LEPR: variants seen among roughly 807,000 people sequenced by gnomAD.
LEPR encodes OB receptor.
Under a neutral mutation model 114.7 loss-of-function variants are expected in LEPR, and 56 were observed. The observed-to-expected ratio is 0.49, with a 90% confidence interval of 0.39 to 0.61. The LOEUF is 0.61. Among genes scored for constraint, LEPR ranks in the 20% least tolerant of loss-of-function variants. The pLI, the probability that LEPR is intolerant of heterozygous loss-of-function variation, is 0.00. For missense variants in LEPR, 1,202 were observed against 1,352.9 expected (o/e 0.89, Z 1.75); for synonymous variants, 443 against 461.4 (o/e 0.96, Z 0.51).
chr1:65,591,684 C>T (rs919505108), intron 5 of LEPR, among the ~76,000 whole-genome samples: 2 of 151,804 alleles, frequency 1.3e-5, no homozygotes, highest in East Asian at 1.9e-4. Context: ...TATCTTTTCC[C>T]GTTCATTTCC....
rs578009366 is a variant in LEPR at position 65,430,149 on chromosome 1, C to T, written c.-21+4771C>T. 5.3e-4 allele frequency: 551 copies of T among 1,037,216 alleles called. 5 individuals carry two copies. Among genetic ancestry groups the T allele is most frequent in the Middle Eastern group, 4.5e-4 (2 of 4,428 alleles). 64.3% of individuals were successfully genotyped at this position (1,037,216 alleles called of 1,614,324 possible). ...TCATGCTCATTACTTAGGCTTTATA[C>T]TCAAGGCCGTGTGTTTTTAGTTTCT... On this transcript the variant is annotated intron_variant, in intron 2 of 19. Transcript: ENST00000349533.
intron 5 of LEPR, among the ~76,000 whole-genome samples, chr1:65,590,563 C>T (rs1302573606): frequency 6.6e-6 from 1 of 151,324 alleles, no homozygotes; most frequent in African/African-American, 2.4e-5. Flanking sequence ...TCCCCACATT[C>T]ACTCTGTACT....
intron 2 of LEPR, among the ~76,000 whole-genome samples, chr1:65,506,020 C>A (rs1388168949): frequency 2.0e-5 from 3 of 152,078 alleles, no homozygotes; most frequent in Non-Finnish European, 4.4e-5. Context: ...TTCCCTAAGG[C>A]CTTATTTGGC....
chr1:65,566,275 C>T (rs1212083274), intron 3 of LEPR, among the ~76,000 whole-genome samples: 1 of 150,414 alleles, frequency 6.6e-6, no homozygotes, highest in African/African-American at 2.5e-5. Context: ...TGATCTCAGC[C>T]CACTGCAACC....
intron 2 of LEPR, among the ~76,000 whole-genome samples, chr1:65,450,162 G>A (rs1391193129): frequency 6.6e-6 from 1 of 152,102 alleles, no homozygotes; most frequent in Non-Finnish European, 1.5e-5. Context: ...GGCCCAGAAT[G>A]TGGTCTATCT....
chr1:65,506,403 G>C (rs1648731445), intron 2 of LEPR, among the ~76,000 whole-genome samples: 1 of 152,162 alleles, frequency 6.6e-6, no homozygotes, highest in Admixed American at 6.5e-5. Flanking sequence ...CACACGTATT[G>C]CATTTCACTG....
At chr1:65,525,634 G>T in intron 2 of LEPR, 1 of 985,698 alleles carries the variant, frequency 1.0e-6, no homozygotes, top group Non-Finnish European at 1.2e-6. Context: ...CTCCTGCTCA[G>T]CCCCACCTCC....
chr1:65,421,353 T>C (rs889669588), intron 1 of LEPR: 94 of 1,535,948 alleles, frequency 6.1e-5, no homozygotes, highest in Non-Finnish European at 7.8e-5. Context: ...GTGTGTAGTA[T>C]GTGTTTTTTG....
intron 2 of LEPR, chr1:65,435,517 G>A (rs1254116901): frequency 1.1e-5 from 4 of 380,744 alleles, no homozygotes; most frequent in African/African-American, 4.4e-5. Context: ...ACAGGCTCCC[G>A]CCACCACGCC....
intron 2 of LEPR, among the ~76,000 whole-genome samples, chr1:65,479,529 T>C (rs1647194590): frequency 6.6e-6 from 1 of 152,174 alleles, no homozygotes; most frequent in South Asian, 2.1e-4. Context: ...GTATCTGGCA[T>C]ATACCAGCTT....
intron 2 of LEPR, among the ~76,000 whole-genome samples, chr1:65,483,857 A>G (rs1217478780): frequency 6.6e-6 from 1 of 151,176 alleles, no homozygotes; most frequent in African/African-American, 2.4e-5. Context: ...CACCCATCCT[A>G]CTTGTCACTA....
chr1:65,616,161 A>C lies in LEPR; in HGVS notation c.2149A>C (p.Ile717Leu). 1 of 1,614,172 alleles carries C rather than the reference A, an allele frequency of 6.2e-7. No individual in the cohort carries two copies. The highest frequency in any genetic ancestry group is 8.5e-7 in the Non-Finnish European group (1 of 1,179,994). Residue 717 changes from isoleucine (I) to leucine (L), a missense_variant, in exon 15 of 20, where the codon ATC becomes CTC. Coordinates refer to ENST00000349533, the MANE Select transcript of LEPR (RefSeq NM_002303.6). ...EQAHTVTVLA[I>L]NSIGASVANF... Reference sequence around the variant, plus strand: ...AGCACATACTGTTACGGTTCTGGCCATCAATTCAATTGGTGCTTCTGTTGC... The same window carrying C: ...AGCACATACTGTTACGGTTCTGGCCCTCAATTCAATTGGTGCTTCTGTTGC...
chr1:65,512,216 C>T (rs1209559971), intron 2 of LEPR, among the ~76,000 whole-genome samples: 1 of 152,132 alleles, frequency 6.6e-6, no homozygotes, highest in Non-Finnish European at 1.5e-5. Context: ...ACCACAAGAA[C>T]AGCACCAAGG....
At chr1:65,600,343 T>G (rs2100929551) in intron 8 of LEPR, among the ~76,000 whole-genome samples, 1 of 152,248 alleles carries the variant, frequency 6.6e-6, no homozygotes, top group East Asian at 1.9e-4. Context: ...TGCTACTAAG[T>G]TTTTTCCTGT....
intron 2 of LEPR, among the ~76,000 whole-genome samples, chr1:65,520,822 A>C (rs986161067): frequency 3.3e-5 from 5 of 152,220 alleles, no homozygotes; most frequent in Admixed American, 2.0e-4. Flanking sequence ...AAGTAAAGGG[A>C]TGGGTTGGGC....
chr1:65,452,108 T>C (rs1366261215), intron 2 of LEPR, among the ~76,000 whole-genome samples: 1 of 152,092 alleles, frequency 6.6e-6, no homozygotes. Context: ...AGAATGCTTG[T>C]GATTTTTGTA....
At chr1:65,478,163 T>G (rs1396482770) in intron 2 of LEPR, among the ~76,000 whole-genome samples, 1 of 152,170 alleles carries the variant, frequency 6.6e-6, no homozygotes, top group African/African-American at 2.4e-5. Flanking sequence ...TTATAAAAAC[T>G]AAGAGGAAGA....
At chr1:65,501,382 C>G (rs895236821) in intron 2 of LEPR, among the ~76,000 whole-genome samples, 29 of 151,460 alleles carry the variant, frequency 1.9e-4, no homozygotes, top group African/African-American at 6.8e-4. Context: ...ATCTCTGCCT[C>G]CATTTTCATG....
chr1:65,536,756 C>A (rs1650806216), intron 2 of LEPR, among the ~76,000 whole-genome samples: 1 of 151,954 alleles, frequency 6.6e-6, no homozygotes, highest in South Asian at 2.1e-4. Context: ...CAGTATCATA[C>A]TCTGGGCTAT....
Sources: gnomAD v4.1 joint callset for allele counts (sites outside exome capture counted in the v4.1 genomes callset) on GRCh38, gnomAD v4.1.1 for gene constraint, MANE v1.5 for transcripts, NCBI Gene and HGNC (gene_info 2026-07-23, HGNC 2026-07-21) for gene names.